Variants in TMEM94 observed in about 807,000 individuals in gnomAD.
TMEM94 encodes the protein ER Mg2+ ATPase.
Under a neutral mutation model 158.6 loss-of-function variants are expected in TMEM94, and 81 were observed. The ratio of observed to expected loss-of-function variants is 0.51; its 90% CI spans 0.43 to 0.61. TMEM94 has a LOEUF of 0.61. TMEM94 is among the 20% of genes least tolerant of loss of function. The pLI is 0.00. For missense variants in TMEM94, 1,435 were observed against 1,762.0 expected (o/e 0.81, Z 3.32); for synonymous variants, 751 against 730.7 (o/e 1.03, Z -0.45).
In TMEM94 at chr17:75,498,579, A is replaced by C. The variant is rs2052979606; in HGVS notation, c.3733+41A>C. The C allele has an allele frequency of 6.2e-7, 1 of 1,612,750 alleles. No individual in the cohort carries two copies. The highest frequency in any genetic ancestry group is 8.5e-7 in the Non-Finnish European group (1 of 1,179,482). On this transcript the variant is annotated intron_variant, in intron 29 of 31. Transcript: ENST00000314256. This position sits in a 1 kb window ranked among gnomAD's most constrained non-coding sequence, Gnocchi z 6.7. Reference sequence around the variant, plus strand: ...GGGAGGGCGTGGATGATGGTGGGAGAGGAGCCCCACTGTGGAAGTCTGACC... The same window carrying C: ...GGGAGGGCGTGGATGATGGTGGGAGCGGAGCCCCACTGTGGAAGTCTGACC...
At chr17:75,478,346 A>AAG (rs1354065665) in intron 2 of TMEM94, among the ~76,000 whole-genome samples, 1 of 149,274 alleles carries the variant, frequency 6.7e-6, no homozygotes, top group East Asian at 2.0e-4. Context: ...AAAAAAAAAA[A>AAG]AAAGAAAGAA....
chr17:75,485,003 A>T lies in TMEM94; in HGVS notation c.25-425A>T, dbSNP rs1241370534. The stretch of plus-strand genomic sequence containing the variant: ...CAGTGAGCCGAGATCGTGCCACTGC[A>T]CTCCAGCCTAGGAGACTAAGCAAGA... On this transcript the variant is annotated intron_variant, in intron 2 of 31. Transcript: ENST00000314256. The surrounding 1 kb of genome is among the most constrained non-coding windows in gnomAD (Gnocchi z 5.5). 6.0e-5 allele frequency among the ~76,000 whole-genome samples: 9 copies of T among 151,134 alleles called. No homozygotes were observed.
chr17:75,463,610 C>T (rs755681251), intron 1 of TMEM94, among the ~76,000 whole-genome samples: 1 of 152,274 alleles, frequency 6.6e-6, no homozygotes, highest in East Asian at 1.9e-4. Context: ...TGAGCATACA[C>T]TCATATTGAA....
intron 1 of TMEM94, among the ~76,000 whole-genome samples, chr17:75,457,843 G>A (rs1055952739): frequency 2.0e-5 from 3 of 152,090 alleles, no homozygotes; most frequent in Non-Finnish European, 2.9e-5. Context: ...TTCTTTATCC[G>A]CTAGACCTAG....
chr17:75,475,722 C>A (rs759720014), intron 2 of TMEM94, among the ~76,000 whole-genome samples: 1 of 42,142 alleles, frequency 2.4e-5, no homozygotes, highest in Non-Finnish European at 5.4e-5. Context: ...TGGGCATTCC[C>A]GGGCAGCCTC....
chr17:75,498,712 G>A lies in TMEM94; in HGVS notation c.3817G>A (p.Val1273Met), dbSNP rs763336850. The change falls in exon 30 of 32, where the codon GTG (valine) becomes ATG (methionine). Residue 1273 changes from valine to methionine, a missense_variant. Transcript: ENST00000314256. The surrounding 1 kb of genome is among the most constrained non-coding windows in gnomAD (Gnocchi z 6.7). The stretch of plus-strand genomic sequence containing the variant: ...GACCAACCTCTGGTGGGCCGTGACA[G>A]TGCCTGTGGTGTGAGTATTGCTAGG... ...PLTNLWWAVT[V>M]PVVLLGQVVQ... 9 of 1,561,548 alleles carry A rather than the reference G, an allele frequency of 5.8e-6. 1 individual carries two copies. In the South Asian group the frequency reaches 9.8e-5, roughly 17 times the overall value.
chr17:75,495,898 G>T lies in TMEM94; in HGVS notation c.2945-68G>T. ...TCGCCTCCTGCTCTCCTGTCCCATG[G>T]GTCTCTGCCCAGTGCCCACTTGGTG... On this transcript the variant is annotated intron_variant, in intron 22 of 31. Coordinates refer to ENST00000314256, the MANE Select transcript of TMEM94 (RefSeq NM_014738.6). The surrounding 1 kb of genome is among the most constrained non-coding windows in gnomAD (Gnocchi z 5.6). The T allele has an allele frequency of 8.6e-7, 1 of 1,161,826 alleles. No homozygotes were observed. The allele number at this position is 1,161,826 out of a possible 1,614,324, so 72.0% of individuals were successfully genotyped here.
At chr17:75,461,633 T>C (rs1370864688) in intron 1 of TMEM94, among the ~76,000 whole-genome samples, 1 of 151,992 alleles carries the variant, frequency 6.6e-6, no homozygotes, top group East Asian at 1.9e-4. Context: ...AGAAATGTAA[T>C]CCACAGTAGG....
At chr17:75,496,699 C>A in intron 24 of TMEM94, 31 bp from the exon 25 acceptor site, 1 of 1,607,992 alleles carries the variant, frequency 6.2e-7, no homozygotes, top group South Asian at 1.1e-5. Flanking sequence ...CAGGTAGACC[C>A]AGGCCATAAT....
chr17:75,475,953 C>T (rs768442725), intron 2 of TMEM94, among the ~76,000 whole-genome samples: 4 of 152,218 alleles, frequency 2.6e-5, no homozygotes, highest in Non-Finnish European at 4.4e-5. Flanking sequence ...AGTCACTGCT[C>T]AAATCTTCTC....
intron 1 of TMEM94, among the ~76,000 whole-genome samples, chr17:75,469,934 G>A (rs770293219): frequency 3.9e-4 from 59 of 152,172 alleles, no homozygotes; most frequent in Non-Finnish European, 6.8e-4. Flanking sequence ...TTAGCTGGGC[G>A]TGGTGGCACA....
rs1383092291 is a variant in TMEM94, at chr17:75,464,676, C to CTTCCTTCT, written c.-106-7121_-106-7120insCTTCTTTC. 8.3e-4 allele frequency among the ~76,000 whole-genome samples: 50 copies of CTTCCTTCT among 59,940 alleles called. 1 individual carries two copies. Among genetic ancestry groups the CTTCCTTCT allele is most frequent in the East Asian group, 7.7e-3 (24 of 3,100 alleles). 39.3% of individuals were successfully genotyped at this position (59,940 alleles called of 152,430 possible). A position where few individuals can be genotyped will look rare whatever the true frequency, so the allele number is the denominator to read the frequency against. Reference sequence around the variant, plus strand: ...CCTTCCTTCCTTCCTTCCTTCCTTCCTTCTTTCTTTCTTTCTTTCTTTCTT... The same window carrying CTTCCTTCT: ...CCTTCCTTCCTTCCTTCCTTCCTTCCTTCCTTCTTTCTTTCTTTCTTTCTTTCTTTCTT... On this transcript the variant is annotated intron_variant, in intron 1 of 31. Transcript: ENST00000314256.
rs1214629390 is a variant in TMEM94, at chr17:75,492,616, C to T, written c.1739C>T (p.Thr580Ile). 2 of 1,614,108 alleles carry T rather than the reference C, an allele frequency of 1.2e-6. No individual in the cohort carries two copies. Among genetic ancestry groups the T allele is most frequent in the Non-Finnish European group, 1.7e-6 (2 of 1,180,026 alleles). Residue 580 changes from threonine to isoleucine, a missense_variant, in exon 15 of 32, where the codon ACC (threonine) becomes ATC (isoleucine). Around this residue, in one of 3 missense-constraint regions of TMEM94, gnomAD observed 1,051 missense variants for 1,254.4 expected, o/e 0.84. Transcript: ENST00000314256. The surrounding 1 kb of genome is among the most constrained non-coding windows in gnomAD (Gnocchi z 4.4). ...GACTCCAACTGGCAGCTGCACCTCACCTCCCTCAAACCCCTGGGCCTCAAT... is the reference window on the plus strand; with the variant it reads ...GACTCCAACTGGCAGCTGCACCTCATCTCCCTCAAACCCCTGGGCCTCAAT... ...FDDSNWQLHL[T>I]SLKPLGLNVL... is the part of the protein sequence containing the mutation.
intron 2 of TMEM94, among the ~76,000 whole-genome samples, chr17:75,480,096 A>G (rs1179909522): frequency 1.4e-5 from 2 of 147,846 alleles, no homozygotes; most frequent in African/African-American, 5.0e-5. Context: ...TCTCAAAGGA[A>G]AAAAAAAAAA....
intron 23 of TMEM94, 52 bp from the exon 24 acceptor site, chr17:75,496,230 C>G (rs2052668889): frequency 6.2e-7 from 1 of 1,610,586 alleles, no homozygotes; most frequent in Non-Finnish European, 8.5e-7. Context: ...GGTGGGGTGC[C>G]CAGTCCTGTG....
chr17:75,463,073 T>C lies in TMEM94; in HGVS notation c.-107+6322T>C, dbSNP rs1289345713. Among the ~76,000 whole-genome samples, 121 of 16,794 alleles carry C rather than the reference T, an allele frequency of 7.2e-3. 16 individuals carry two copies. The highest frequency in any genetic ancestry group is 0.039 in the African/African-American group (45 of 1,166). The allele number at this position is 16,794 out of a possible 152,430, so 11.0% of individuals were successfully genotyped here. The stretch of plus-strand genomic sequence containing the variant: ...ATATATATATATATATATATATATA[T>C]ATATATACACACACACACACATATA... On this transcript the variant is annotated intron_variant, in intron 1 of 31. Coordinates refer to ENST00000314256, the MANE Select transcript of TMEM94 (RefSeq NM_014738.6).
At chr17:75,486,052 C>T (rs1479935645) in intron 4 of TMEM94, 54 bp downstream of exon 4, 31 of 1,550,056 alleles carry the variant, frequency 2.0e-5, no homozygotes, top group Middle Eastern at 2.3e-4. Flanking sequence ...TCCATCCTGC[C>T]GCGGCACCTG....
At chr17:75,483,878 C>T (rs554007888) in intron 2 of TMEM94, among the ~76,000 whole-genome samples, 1 of 152,260 alleles carries the variant, frequency 6.6e-6, no homozygotes, top group Non-Finnish European at 1.5e-5. Context: ...GAGTTGTAGG[C>T]TTGTTGGTGG....
At chr17:75,496,118 C>T in intron 23 of TMEM94, 44 bp downstream of exon 23, 1 of 1,544,758 alleles carries the variant, frequency 6.5e-7, no homozygotes. Context: ...CTCTACCTCC[C>T]AGACCGGAGG....
Sources: allele counts gnomAD v4.1 joint callset (sites outside exome capture counted in the v4.1 genomes callset), GRCh38; gene constraint gnomAD v4.1.1; regional missense constraint gnomAD v4.1.1; non-coding constraint Gnocchi (gnomAD v3.1); transcripts MANE v1.5; gene names NCBI Gene and HGNC (gene_info 2026-07-23, HGNC 2026-07-21).